EPHA5: variants seen among roughly 807,000 people sequenced by gnomAD.
The protein encoded by EPHA5 is ephrin type-A receptor 5.
EPHA5 carries 60 observed loss-of-function variants against 105.0 expected under a neutral mutation model. The ratio of observed to expected loss-of-function variants is 0.57; its 90% confidence interval spans 0.46 to 0.71. EPHA5 has a LOEUF of 0.71. Among genes scored for constraint, EPHA5 ranks in the 30% least tolerant of loss-of-function variants. EPHA5 has a pLI of 0.00. For missense variants in EPHA5, 1,218 were observed against 1,274.7 expected, an observed-to-expected ratio of 0.96 and a Z score of 0.68; for synonymous variants, 513 against 449.1, an observed-to-expected ratio of 1.14 and a Z score of -1.80.
chr4:65,436,746 A>G (rs1249911091), intron 5 of EPHA5, among the ~76,000 whole-genome samples: 2 of 152,004 alleles, frequency 1.3e-5, no homozygotes, highest in Non-Finnish European at 2.9e-5. Context: ...AACGATAACT[A>G]ACTATTTACA....
At chr4:65,375,889 T>G (rs1718955855) in intron 8 of EPHA5, among the ~76,000 whole-genome samples, 1 of 151,864 alleles carries the variant, frequency 6.6e-6, no homozygotes, top group Non-Finnish European at 1.5e-5. Context: ...AGCCCCATGC[T>G]CATAAGAATT....
chr4:65,648,755 T>C (rs745975754), intron 1 of EPHA5, among the ~76,000 whole-genome samples: 2 of 152,200 alleles, frequency 1.3e-5, no homozygotes, highest in Admixed American at 6.5e-5. Context: ...CTGGATTCAA[T>C]TATAACACAC....
chr4:65,382,534 G>C (rs572294007), intron 8 of EPHA5, among the ~76,000 whole-genome samples: 1 of 151,862 alleles, frequency 6.6e-6, no homozygotes, highest in Non-Finnish European at 1.5e-5. Context: ...TGCTGCGGTA[G>C]AAGATACAGT....
chr4:65,535,168 G>A (rs1467531632), intron 3 of EPHA5, among the ~76,000 whole-genome samples: 5 of 152,076 alleles, frequency 3.3e-5, no homozygotes, highest in Non-Finnish European at 5.9e-5. Context: ...TTTATCATTT[G>A]TCTTTATAAT....
chr4:65,660,071 C>CGT (rs780247690), intron 1 of EPHA5, among the ~76,000 whole-genome samples: 5 of 152,032 alleles, frequency 3.3e-5, no homozygotes, highest in Non-Finnish European at 7.4e-5. Context: ...TATACATATA[C>CGT]GTGTGTGTGT....
intron 12 of EPHA5, 137 bp from the exon 13 acceptor site, chr4:65,351,735 G>T: frequency 1.4e-6 from 1 of 717,946 alleles, no homozygotes. Context: ...AAGGAGATTG[G>T]AAAATGGTAG....
At position 65,518,643 on chromosome 4, in the gene EPHA5, G is replaced by A. The variant is rs141242700; in HGVS notation, c.911-23100C>T. On this transcript the variant is annotated intron_variant, in intron 3 of 16. Transcript: ENST00000613740. ...ATTAAATTTATCATTATGTTCTTAC[G>A]TCAGATGTACCCTAGGACAGGAAAT... is the stretch of plus-strand genomic sequence containing the variant. Among the ~76,000 whole-genome samples the A allele has an allele frequency of 1.6e-3, 236 of 152,008 alleles. 4 individuals are homozygous for A. The highest frequency in any genetic ancestry group is 0.014 in the Middle Eastern group (4 of 294).
At chr4:65,557,883 CTT>C (rs778404246) in intron 3 of EPHA5, among the ~76,000 whole-genome samples, 5 of 143,636 alleles carry the variant, frequency 3.5e-5, no homozygotes, top group Admixed American at 7.0e-5. Flanking sequence ...AGGTAAAATT[CTT>C]TTTTTTTTTT....
intron 15 of EPHA5, among the ~76,000 whole-genome samples, chr4:65,334,199 T>A (rs960017255): frequency 6.6e-6 from 1 of 151,972 alleles, no homozygotes; most frequent in Non-Finnish European, 1.5e-5. Context: ...GGCAAATACT[T>A]AGGTCTATTT....
chr4:65,495,316 A>G, intron 4 of EPHA5, 72 bp downstream of exon 4: 1 of 1,468,740 alleles, frequency 6.8e-7, no homozygotes, highest in East Asian at 2.3e-5. Context: ...CTAGACTATA[A>G]CAGGCTCCAT....
rs35953627 is a variant in EPHA5, at chr4:65,379,276, T to TAC, written c.1794-11854_1794-11853dup. 5.3e-3 allele frequency among the ~76,000 whole-genome samples: 800 copies of TAC among 149,686 alleles called. 5 individuals are homozygous for TAC. The highest frequency in any genetic ancestry group is 5.1e-3 in the Non-Finnish European group (340 of 67,058). On this transcript the variant is annotated intron_variant, in intron 8 of 16. Coordinates refer to ENST00000613740, the MANE Select transcript of EPHA5 (RefSeq NM_001281766.3). ...TGTGTCTTATGAATAAGTATGCACA[T>TAC]ACACACACACACACACACTCACACA...
intron 3 of EPHA5, chr4:65,573,713 G>A: frequency 6.3e-7 from 1 of 1,598,358 alleles, no homozygotes; most frequent in Non-Finnish European, 8.5e-7. Flanking sequence ...AGAAAAAGAA[G>A]GAGAAGGTTC....
chr4:65,607,611 G>C (rs768144119), intron 2 of EPHA5, among the ~76,000 whole-genome samples: 1 of 152,122 alleles, frequency 6.6e-6, no homozygotes, highest in East Asian at 1.9e-4. Flanking sequence ...TTAGAGAAAC[G>C]CAAATCAAAA....
chr4:65,609,314 C>T (rs28430529), intron 2 of EPHA5, among the ~76,000 whole-genome samples: 46,204 of 152,006 alleles, frequency 0.3, 7,190 homozygotes, highest in Non-Finnish European at 0.33. Context: ...AGACTTGCAT[C>T]AAGTAGGAGT....
At chr4:65,519,037 C>T (rs1578316525) in intron 3 of EPHA5, among the ~76,000 whole-genome samples, 1 of 152,138 alleles carries the variant, frequency 6.6e-6, no homozygotes, top group African/African-American at 2.4e-5. Flanking sequence ...GACCAATATC[C>T]TTGATGAACA....
Position 65,669,843 on chromosome 4 carries a change from C to G in EPHA5, c.-101G>C, listed in dbSNP as rs1750313768. 1 of 1,231,986 alleles carries G rather than the reference C, an allele frequency of 8.1e-7. No homozygotes were observed. The highest frequency in any genetic ancestry group is 1.0e-6 in the Non-Finnish European group (1 of 988,288). 76.3% of individuals were successfully genotyped at this position (1,231,986 alleles called of 1,614,324 possible). On this transcript the variant is annotated 5_prime_UTR_variant, in exon 1 of 17. Transcript: ENST00000613740. ...GAGACTCGGGAGTCCTCCTTGTCCC[C>G]CCTTGGGGTCCTACGCCTTCTGGCA...
intron 3 of EPHA5, among the ~76,000 whole-genome samples, chr4:65,585,285 TG>T (rs1241659485): frequency 1.3e-5 from 2 of 151,682 alleles, no homozygotes; most frequent in Admixed American, 6.6e-5. Context: ...GAGATTGAAA[TG>T]GGGTGTAAGT....
chr4:65,652,163 T>G (rs570776319), intron 1 of EPHA5, among the ~76,000 whole-genome samples: 1 of 152,170 alleles, frequency 6.6e-6, no homozygotes, highest in Non-Finnish European at 1.5e-5. Context: ...ACTATGTATA[T>G]AGATAATATG....
intron 11 of EPHA5, among the ~76,000 whole-genome samples, chr4:65,357,158 A>G (rs1356754587): frequency 6.6e-6 from 1 of 151,490 alleles, no homozygotes; most frequent in Admixed American, 6.6e-5. Context: ...TTTATTGAGC[A>G]TCTACTCTTT....
Sources: gnomAD v4.1 joint callset for allele counts (sites outside exome capture counted in the v4.1 genomes callset) on GRCh38, gnomAD v4.1.1 for gene constraint, MANE v1.5 for transcripts, NCBI Gene and HGNC (gene_info 2026-07-23, HGNC 2026-07-21) for gene names.